Variants in ASTN1 observed in about 807,000 individuals in gnomAD.
ASTN1 encodes the protein astrotactin-1.
A neutral mutation model predicts 140.7 loss-of-function variants in ASTN1; 41 were observed. The ratio of observed to expected loss-of-function variants is 0.29; its 90% CI spans 0.23 to 0.38. The LOEUF is 0.38. Ranked by LOEUF, ASTN1 falls within the 10% of genes least tolerant of loss-of-function variation. The pLI is 1.00. For synonymous variants in ASTN1, 640 were observed against 652.2 expected (o/e 0.98, Z 0.29); for missense variants, 1,479 against 1,678.8 (o/e 0.88, Z 2.08).
chr1:176,991,225 C>T (rs112120696), intron 8 of ASTN1, among the ~76,000 whole-genome samples: 24,364 of 151,832 alleles, frequency 0.16, 2,037 homozygotes, highest in Admixed American at 0.19. Context: ...ACCAGCCTGG[C>T]CAACATGGAG....
At chr1:176,961,118 A>T (rs114882743) in intron 9 of ASTN1, among the ~76,000 whole-genome samples, 1,648 of 152,304 alleles carry the variant, frequency 0.011, 19 homozygotes, top group Non-Finnish European at 0.018. Context: ...ATATTTATTG[A>T]CCGATAAATA....
intron 1 of ASTN1, among the ~76,000 whole-genome samples, chr1:177,090,360 A>G (rs940602995): frequency 2.6e-5 from 4 of 152,056 alleles, no homozygotes; most frequent in African/African-American, 7.3e-5. Flanking sequence ...TACAAACATT[A>G]TATCATTTAA....
chr1:177,102,375 G>A (rs1022942035), intron 1 of ASTN1, among the ~76,000 whole-genome samples: 1 of 152,168 alleles, frequency 6.6e-6, no homozygotes. Flanking sequence ...TATACTGCTA[G>A]TAAGGAAAGA....
At chr1:177,119,507 TGGA>T (rs71939567) in intron 1 of ASTN1, among the ~76,000 whole-genome samples, 43,470 of 152,018 alleles carry the variant, frequency 0.29, 10,579 homozygotes, top group African/African-American at 0.67. Context: ...AGGTTCTGGA[TGGA>T]GGAGGCTCTG....
At chr1:177,037,675 C>T (rs1676786781) in intron 2 of ASTN1, among the ~76,000 whole-genome samples, 1 of 152,190 alleles carries the variant, frequency 6.6e-6, no homozygotes, top group African/African-American at 2.4e-5. Context: ...TAAGCACTGG[C>T]TGCAAAACAT....
intron 1 of ASTN1, among the ~76,000 whole-genome samples, chr1:177,104,972 G>A (rs190461159): frequency 2.0e-5 from 3 of 152,126 alleles, no homozygotes; most frequent in Admixed American, 1.3e-4. Flanking sequence ...TTTCACAGAC[G>A]GGCATTCCTC....
intron 1 of ASTN1, among the ~76,000 whole-genome samples, chr1:177,163,445 A>G (rs1647507866): frequency 1.3e-5 from 2 of 152,190 alleles, no homozygotes; most frequent in African/African-American, 4.8e-5. Flanking sequence ...GAGCAGGACC[A>G]CAAAACCTTT....
At chr1:177,008,856 C>A (rs888143049) in intron 8 of ASTN1, among the ~76,000 whole-genome samples, 1 of 151,988 alleles carries the variant, frequency 6.6e-6, no homozygotes, top group African/African-American at 2.4e-5. Flanking sequence ...GAAACGAGGG[C>A]ACCCAGAGAT....
At chr1:177,129,197 T>G (rs1185026171) in intron 1 of ASTN1, among the ~76,000 whole-genome samples, 1 of 152,136 alleles carries the variant, frequency 6.6e-6, no homozygotes, top group Admixed American at 6.5e-5. Flanking sequence ...AGTAGGCATA[T>G]GTAAGGGATA....
At chr1:177,085,532 T>G (rs781327577) in intron 1 of ASTN1, among the ~76,000 whole-genome samples, 4 of 152,134 alleles carry the variant, frequency 2.6e-5, no homozygotes, top group Non-Finnish European at 5.9e-5. Context: ...TGAAGCTAGG[T>G]AGCATGAGTT....
At chr1:176,962,430 T>C (rs911190907) in intron 9 of ASTN1, among the ~76,000 whole-genome samples, 3 of 152,218 alleles carry the variant, frequency 2.0e-5, no homozygotes, top group Non-Finnish European at 4.4e-5. Flanking sequence ...TATCTACATA[T>C]ATCTATTGAA....
At chr1:177,013,603 C>T (rs1485516890) in intron 8 of ASTN1, among the ~76,000 whole-genome samples, 1 of 152,168 alleles carries the variant, frequency 6.6e-6, no homozygotes, top group African/African-American at 2.4e-5. Context: ...ACGGAAGGGG[C>T]AGATCATTGA....
intron 8 of ASTN1, among the ~76,000 whole-genome samples, chr1:176,977,940 G>GGAAGA (rs1351487508): frequency 1.3e-5 from 2 of 152,220 alleles, no homozygotes; most frequent in Non-Finnish European, 2.9e-5. Context: ...CAGGCAGGGT[G>GGAAGA]GAAGAGATCG....
rs150663044 is a variant in ASTN1, at chr1:176,914,596, G to A, written c.2671+19556C>T. Among the ~76,000 whole-genome samples, 210 of 152,322 alleles carry A rather than the reference G, an allele frequency of 1.4e-3. 3 individuals are homozygous for A. The East Asian group carries it at 0.038, about 27-fold the overall frequency. ...GAATTTTGAGCCTGAAGCAAGTTAG[G>A]AAGCAAGCAGTGCCTTGCCTTGGTC... is the stretch of plus-strand genomic sequence containing the variant. On this transcript the variant is annotated intron_variant, in intron 16 of 22. Transcript: ENST00000361833.
chr1:177,125,769 T>G (rs922210012), intron 1 of ASTN1, among the ~76,000 whole-genome samples: 2 of 152,222 alleles, frequency 1.3e-5, no homozygotes, highest in African/African-American at 2.4e-5. Flanking sequence ...AATTTCCTCA[T>G]AGTTGCCGAT....
At chr1:177,145,101 G>A (rs564029184) in intron 1 of ASTN1, among the ~76,000 whole-genome samples, 72 of 152,132 alleles carry the variant, frequency 4.7e-4, no homozygotes, top group Non-Finnish European at 9.4e-4. Context: ...GAGAAACTCA[G>A]ATAACTCTCA....
At chr1:177,148,103 T>C (rs1682798080) in intron 1 of ASTN1, among the ~76,000 whole-genome samples, 1 of 152,180 alleles carries the variant, frequency 6.6e-6, no homozygotes, top group African/African-American at 2.4e-5. Context: ...ACATCACTTT[T>C]TGTTGAATTT....
At chr1:177,010,087 A>G (rs1372038358) in intron 8 of ASTN1, among the ~76,000 whole-genome samples, 2 of 152,322 alleles carry the variant, frequency 1.3e-5, no homozygotes, top group East Asian at 3.9e-4. Flanking sequence ...TTTCCAAAGT[A>G]GCTACATAAA....
rs76534115 is a variant in ASTN1 at position 177,027,645 on chromosome 1, T to C, written c.1120+1989A>G. Reference sequence around the variant, plus strand: ...TCTTTTGTCCCTTCAAGGCTTTTTATGTGCCATTTTCCTTTACTGAAATGC... The same window carrying C: ...TCTTTTGTCCCTTCAAGGCTTTTTACGTGCCATTTTCCTTTACTGAAATGC... On this transcript the variant is annotated intron_variant, in intron 5 of 22. Coordinates refer to ENST00000361833, the MANE Select transcript of ASTN1 (RefSeq NM_004319.3). Among the ~76,000 whole-genome samples the C allele has an allele frequency of 7.9e-5, 12 of 151,582 alleles. No homozygotes were observed. In the East Asian group the frequency reaches 2.1e-3, roughly 27 times the overall value.
Sources: gnomAD v4.1 joint callset for allele counts (sites outside exome capture counted in the v4.1 genomes callset) on GRCh38, gnomAD v4.1.1 for gene constraint, MANE v1.5 for transcripts, NCBI Gene and HGNC (gene_info 2026-07-23, HGNC 2026-07-21) for gene names.